The following RNF180 variants were observed in gnomAD, a reference collection of about 807,000 sequenced individuals.
RNF180 encodes the protein ring finger protein 180.
RNF180 carries 38 observed loss-of-function variants against 59.2 expected under a neutral mutation model. The ratio of observed to expected loss-of-function variants is 0.64; its 90% CI spans 0.50 to 0.84. The LOEUF is 0.84. RNF180 is among the 40% of genes least tolerant of loss of function. The probability of loss-of-function intolerance (pLI) is 0.00; values close to 1 mark genes in which losing one functional copy is unlikely to be tolerated. For missense variants in RNF180, 705 were observed against 700.9 expected (o/e 1.01, Z -0.07); for synonymous variants, 262 against 240.3 (o/e 1.09, Z -0.84).
chr5:64,278,081 TA>T (rs1741822830), intron 5 of RNF180, among the ~76,000 whole-genome samples: 1 of 152,190 alleles, frequency 6.6e-6, no homozygotes, highest in East Asian at 1.9e-4. Context: ...AGTTAGAAAA[TA>T]AATGTCTAAT....
At chr5:64,174,589 A>G (rs2968284) in intron 1 of RNF180, among the ~76,000 whole-genome samples, 5,416 of 152,092 alleles carry the variant, frequency 0.036, 307 homozygotes, top group African/African-American at 0.12. Context: ...TTTATCATAT[A>G]CCCGTTGGCC....
chr5:64,201,843 G>A (rs1435925921), intron 2 of RNF180, among the ~76,000 whole-genome samples: 4 of 152,174 alleles, frequency 2.6e-5, no homozygotes, highest in African/African-American at 9.6e-5. Flanking sequence ...GGGTTCAAGT[G>A]ATTCTCCTGC....
intron 7 of RNF180, among the ~76,000 whole-genome samples, chr5:64,348,566 C>T (rs1745646963): frequency 6.6e-6 from 1 of 152,032 alleles, no homozygotes; most frequent in Non-Finnish European, 1.5e-5. Flanking sequence ...ACACAAGCAG[C>T]AGAGCTTTGA....
At position 64,200,792 on chromosome 5, in the gene RNF180, A is replaced by C. The variant is rs199756898; in HGVS notation, c.1-16A>C. ...TGACAGTTTAACATTCTAAAAATGC[A>C]CTAATGTTTCCGCAGATGAAAAGAA... On this transcript the variant is annotated splice_polypyrimidine_tract_variant and intron_variant, in intron 1 of 7. Transcript: ENST00000389100. 1 of 1,606,676 alleles carries C rather than the reference A, an allele frequency of 6.2e-7. No homozygotes were observed. Among genetic ancestry groups the C allele is most frequent in the Admixed American group, 1.7e-5 (1 of 59,714 alleles).
At chr5:64,291,826 A>C (rs1175241667) in intron 5 of RNF180, among the ~76,000 whole-genome samples, 3 of 151,848 alleles carry the variant, frequency 2.0e-5, no homozygotes, top group Non-Finnish European at 4.4e-5. Context: ...ATGTTTCTTG[A>C]AGGTTTTATT....
intron 2 of RNF180, among the ~76,000 whole-genome samples, chr5:64,201,635 G>A (rs1751753998): frequency 6.6e-6 from 1 of 152,108 alleles, no homozygotes. Flanking sequence ...TTGTTTCGTT[G>A]TTTTACCTCA....
At chr5:64,240,053 C>G (rs954873841) in intron 5 of RNF180, among the ~76,000 whole-genome samples, 1 of 152,136 alleles carries the variant, frequency 6.6e-6, no homozygotes, top group Non-Finnish European at 1.5e-5. Flanking sequence ...GCTCTTCACT[C>G]TCTGAACTCA....
At chr5:64,169,048 T>A (rs1394550460) in intron 1 of RNF180, among the ~76,000 whole-genome samples, 1 of 152,194 alleles carries the variant, frequency 6.6e-6, no homozygotes. Context: ...AGGGGCTACT[T>A]ATGCCAGCTT....
intron 7 of RNF180, among the ~76,000 whole-genome samples, chr5:64,336,746 G>A (rs1327276107): frequency 6.6e-6 from 1 of 151,690 alleles, no homozygotes; most frequent in Admixed American, 6.6e-5. Flanking sequence ...TTTTACTATG[G>A]GGGTTTCTGC....
chr5:64,253,529 A>C (rs1336225544), intron 5 of RNF180, among the ~76,000 whole-genome samples: 1 of 152,136 alleles, frequency 6.6e-6, no homozygotes, highest in Non-Finnish European at 1.5e-5. Context: ...TTTGCTACCA[A>C]AATATCACTG....
intron 6 of RNF180, among the ~76,000 whole-genome samples, chr5:64,328,855 T>C (rs1580261198): frequency 6.6e-6 from 1 of 152,306 alleles, no homozygotes; most frequent in East Asian, 1.9e-4. Flanking sequence ...CTACAGGTGA[T>C]CATTGCGGGA....
chr5:64,224,851 C>T (rs537662529), intron 5 of RNF180, among the ~76,000 whole-genome samples: 87 of 152,274 alleles, frequency 5.7e-4, no homozygotes, highest in African/African-American at 1.9e-3. Flanking sequence ...GGAATTAAAG[C>T]CCTTTTGAAA....
Position 64,331,488 on chromosome 5 carries a change from G to T in RNF180, c.1579+1082G>T, listed in dbSNP as rs573558049. Among the ~76,000 whole-genome samples, 7 of 152,212 alleles carry T rather than the reference G, an allele frequency of 4.6e-5. No homozygotes were observed. In the East Asian group the frequency reaches 1.4e-3, roughly 29 times the overall value. On this transcript the variant is annotated intron_variant, in intron 7 of 7. Coordinates refer to ENST00000389100, the MANE Select transcript of RNF180 (RefSeq NM_001113561.2). ...CTCAGCCAGACTCAGGCAGACAGTG[G>T]GACAACCTACCTGACAATATGACCT...
intron 5 of RNF180, among the ~76,000 whole-genome samples, chr5:64,307,984 G>A (rs1743562341): frequency 6.6e-6 from 1 of 151,684 alleles, no homozygotes; most frequent in Non-Finnish European, 1.5e-5. Context: ...ATTGGACTTC[G>A]GAAGAAATTT....
intron 5 of RNF180, among the ~76,000 whole-genome samples, chr5:64,242,248 G>A (rs948944916): frequency 2.0e-5 from 3 of 152,206 alleles, no homozygotes; most frequent in African/African-American, 4.8e-5. Context: ...CTGCCACAGA[G>A]CTTTCCCAGA....
intron 5 of RNF180, among the ~76,000 whole-genome samples, chr5:64,275,120 TTA>T (rs1228344309): frequency 2.0e-5 from 3 of 151,532 alleles, no homozygotes; most frequent in Non-Finnish European, 2.9e-5. Context: ...TTATAAAAAT[TTA>T]TGTTTCTTTA....
At chr5:64,269,024 A>G (rs542814689) in intron 5 of RNF180, among the ~76,000 whole-genome samples, 36 of 152,240 alleles carry the variant, frequency 2.4e-4, no homozygotes, top group Admixed American at 3.3e-4. Context: ...TCCCATGTCC[A>G]TACCCTTGCT....
At chr5:64,238,731 T>G (rs1301148060) in intron 5 of RNF180, among the ~76,000 whole-genome samples, 1 of 152,222 alleles carries the variant, frequency 6.6e-6, no homozygotes, top group East Asian at 1.9e-4. Flanking sequence ...CTTTGGAGAT[T>G]AACCCCTTAT....
At chr5:64,185,775 A>C (rs1229896696) in intron 1 of RNF180, among the ~76,000 whole-genome samples, 1 of 152,210 alleles carries the variant, frequency 6.6e-6, no homozygotes, top group Non-Finnish European at 1.5e-5. Flanking sequence ...TATCTCTGGG[A>C]GTTTACAAGT....
Sources: gnomAD v4.1 joint callset for allele counts (sites outside exome capture counted in the v4.1 genomes callset) on GRCh38, gnomAD v4.1.1 for gene constraint, MANE v1.5 for transcripts, NCBI Gene and HGNC (gene_info 2026-07-23, HGNC 2026-07-21) for gene names.